Variants in PRDM11 observed in about 807,000 individuals in gnomAD.
PRDM11 encodes the protein PR/SET domain 11.
Under a neutral mutation model 97.8 loss-of-function variants are expected in PRDM11, and 20 were observed. The observed-to-expected ratio is 0.20, with a 90% CI of 0.14 to 0.30. PRDM11 has a LOEUF of 0.30. Among genes scored for constraint, PRDM11 ranks in the 10% least tolerant of loss-of-function variants. The probability of loss-of-function intolerance (pLI) is 1.00; values close to 1 mark genes in which losing one functional copy is unlikely to be tolerated. For synonymous variants in PRDM11, 599 were observed against 637.7 expected (o/e 0.94, Z 0.91); for missense variants, 1,139 against 1,555.2 (o/e 0.73, Z 4.50).
At chr11:45,129,113 T>C (rs1265245165) in intron 1 of PRDM11, among the ~76,000 whole-genome samples, 2 of 152,166 alleles carry the variant, frequency 1.3e-5, no homozygotes, top group African/African-American at 4.8e-5. Flanking sequence ...TCAACACTTT[T>C]TCAAATTAAA....
chr11:45,198,459 A>G (rs139918821), intron 4 of PRDM11, among the ~76,000 whole-genome samples: 2 of 152,360 alleles, frequency 1.3e-5, no homozygotes, highest in Non-Finnish European at 2.9e-5. Context: ...TGGCTTCACC[A>G]GTCATTCTTG....
At chr11:45,095,826 A>G in exon 1 of PRDM11, 1 of 773,930 alleles carries the variant, frequency 1.3e-6, no homozygotes, top group Non-Finnish European at 2.4e-6. Flanking sequence ...TGGCAGAGCC[A>G]ATTGCATCCC....
rs148178386 is a variant in PRDM11 at position 45,224,529 on chromosome 11, G to T, written c.1055G>T (p.Gly352Val). 9 of 1,614,016 alleles carry T rather than the reference G, an allele frequency of 5.6e-6. No individual in the cohort carries two copies. The highest frequency in any genetic ancestry group is 2.7e-5 in the African/African-American group (2 of 74,906). Residue 352 changes from glycine to valine, a missense_variant, in exon 7 of 8, where the codon GGT becomes GTT. Physicochemically the swap from Gly to Val is moderately radical, Grantham distance 109 (BLOSUM62 -3). Transcript: ENST00000683152. ...YSQCATTMTH[G>V]VQNIGQTQGE... ...CAGTGTGCAACAACAATGACCCATG[G>T]TGTGCAGAATATAGGCCAGACCCAG...
rs1259066513 is a variant in PRDM11, at chr11:45,233,673, A to T, written c.*5514A>T. The T allele has an allele frequency of 1.3e-5, 2 of 152,206 alleles. No homozygotes were observed. Among genetic ancestry groups the T allele is most frequent in the African/African-American group, 4.8e-5 (2 of 41,392 alleles). 9.4% of individuals were successfully genotyped at this position (152,206 alleles called of 1,614,324 possible). ...AAGTGCAGCCGTCCTGGCCTCCCTC[A>T]CTTGCTCAACCACTGTCAGGAGGAG... On this transcript the variant is annotated 3_prime_UTR_variant, in exon 8 of 8. Transcript: ENST00000683152.
chr11:45,214,096 G>T, intron 5 of PRDM11: 1 of 218,786 alleles, frequency 4.6e-6, no homozygotes, highest in East Asian at 1.1e-4. Context: ...CCTCTTCCCT[G>T]GCTTCTAAAA....
intron 1 of PRDM11, among the ~76,000 whole-genome samples, chr11:45,118,040 T>A (rs963305914): frequency 6.6e-6 from 1 of 151,620 alleles, no homozygotes; most frequent in African/African-American, 2.4e-5. Context: ...TAAAAAAAAA[T>A]TGAACAAATT....
At chr11:45,120,195 C>T (rs1030483310) in intron 1 of PRDM11, among the ~76,000 whole-genome samples, 8 of 152,080 alleles carry the variant, frequency 5.3e-5, no homozygotes, top group Admixed American at 3.9e-4. Flanking sequence ...AGAAATAAAG[C>T]TGGGAGGGAG....
At chr11:45,106,262 G>A (rs989710072) in intron 1 of PRDM11, among the ~76,000 whole-genome samples, 8 of 152,080 alleles carry the variant, frequency 5.3e-5, no homozygotes, top group Admixed American at 2.6e-4. Flanking sequence ...TTTACACCCC[G>A]TTGGCAGCCC....
chr11:45,176,267 T>C (rs1483884155), intron 1 of PRDM11, among the ~76,000 whole-genome samples: 2 of 151,976 alleles, frequency 1.3e-5, no homozygotes, highest in Non-Finnish European at 2.9e-5. Flanking sequence ...ATCCCAGTTA[T>C]TGGGGAGGCT....
chr11:45,106,026 G>A (rs749518028), intron 1 of PRDM11, among the ~76,000 whole-genome samples: 11 of 152,220 alleles, frequency 7.2e-5, no homozygotes, highest in East Asian at 5.8e-4. Flanking sequence ...GAAATCATCC[G>A]TTTTCACATT....
At chr11:45,111,688 G>A (rs575498953) in intron 1 of PRDM11, among the ~76,000 whole-genome samples, 1 of 152,100 alleles carries the variant, frequency 6.6e-6, no homozygotes, top group African/African-American at 2.4e-5. Flanking sequence ...ACATGCACTC[G>A]AACCCTCCGG....
intron 1 of PRDM11, among the ~76,000 whole-genome samples, chr11:45,124,977 T>A (rs1852530550): frequency 6.6e-6 from 1 of 152,222 alleles, no homozygotes; most frequent in Non-Finnish European, 1.5e-5. Flanking sequence ...CCTGGACTTT[T>A]TTTGGTTGGT....
At chr11:45,181,946 G>C in intron 2 of PRDM11, 61 bp downstream of exon 2, 1 of 1,488,230 alleles carries the variant, frequency 6.7e-7, no homozygotes, top group Non-Finnish European at 9.2e-7. Flanking sequence ...CCTGGGCTCG[G>C]TTGGTTGGGA....
chr11:45,212,078 G>A (rs1199815473), intron 5 of PRDM11, among the ~76,000 whole-genome samples: 2 of 152,296 alleles, frequency 1.3e-5, no homozygotes, highest in East Asian at 3.9e-4. Flanking sequence ...AACCCAATTA[G>A]GTAGCCAAGC....
chr11:45,173,792 G>A (rs1852262146), intron 1 of PRDM11, among the ~76,000 whole-genome samples: 1 of 152,142 alleles, frequency 6.6e-6, no homozygotes, highest in Admixed American at 6.5e-5. Context: ...CTGGACCCCA[G>A]TTCCTGCGGC....
intron 4 of PRDM11, among the ~76,000 whole-genome samples, chr11:45,197,422 G>A (rs1216009732): frequency 6.6e-6 from 1 of 152,136 alleles, no homozygotes; most frequent in Non-Finnish European, 1.5e-5. Flanking sequence ...GAGATCTACT[G>A]TACAGCATAG....
Position 45,189,243 on chromosome 11 carries a change from G to A in PRDM11, c.486+6120G>A, listed in dbSNP as rs10160229. 2.1e-3 allele frequency among the ~76,000 whole-genome samples: 327 copies of A among 152,236 alleles called. 1 individual carries two copies. The highest frequency in any genetic ancestry group is 7.0e-3 in the African/African-American group (291 of 41,532). ...ATGTAAGTTTTTCGTTCAGACCTTGGCTTGTTCCAGAAGGGATTTAGGGTA... is the reference window on the plus strand; with the variant it reads ...ATGTAAGTTTTTCGTTCAGACCTTGACTTGTTCCAGAAGGGATTTAGGGTA... On this transcript the variant is annotated intron_variant, in intron 4 of 7. Coordinates refer to ENST00000683152, the MANE Select transcript of PRDM11 (RefSeq NM_001384648.1).
At position 45,234,172 on chromosome 11, in the gene PRDM11, G is replaced by A. The variant is rs1240930170; in HGVS notation, c.*6013G>A. 4 of 152,294 alleles carry A rather than the reference G, an allele frequency of 2.6e-5. No individual in the cohort carries two copies. The highest frequency in any genetic ancestry group is 1.9e-4 in the East Asian group (1 of 5,178). The allele number at this position is 152,294 out of a possible 1,614,324, so 9.4% of individuals were successfully genotyped here. On this transcript the variant is annotated 3_prime_UTR_variant, in exon 8 of 8. Coordinates refer to ENST00000683152, the MANE Select transcript of PRDM11 (RefSeq NM_001384648.1). Reference sequence around the variant, plus strand: ...GACAGAGGGCTTGTGCAGCCCTGACGGGACCCAGAAGCCCATTTGCTCGCA... The same window carrying A: ...GACAGAGGGCTTGTGCAGCCCTGACAGGACCCAGAAGCCCATTTGCTCGCA...
At chr11:45,159,380 C>T (rs770773602) in intron 1 of PRDM11, among the ~76,000 whole-genome samples, 1 of 152,206 alleles carries the variant, frequency 6.6e-6, no homozygotes, top group Non-Finnish European at 1.5e-5. Context: ...GTGTCTGAGG[C>T]GTGGGTGGGC....
Sources: gnomAD v4.1 joint callset for allele counts (sites outside exome capture counted in the v4.1 genomes callset) on GRCh38, gnomAD v4.1.1 for gene constraint, MANE v1.5 for transcripts, NCBI Gene and HGNC (gene_info 2026-07-23, HGNC 2026-07-21) for gene names.